The following ELFN1 variants were observed in gnomAD, a reference collection of about 807,000 sequenced individuals.
ELFN1 encodes the protein protein ELFN1.
ELFN1 carries 6 observed loss-of-function variants against 7.6 expected under a neutral mutation model. The observed-to-expected ratio is 0.79, with a 90% CI of 0.43 to 1.56. The LOEUF (loss-of-function observed/expected upper bound fraction) is 1.56. Ranked by LOEUF, ELFN1 falls within the 40% of genes most tolerant of loss-of-function variation. ELFN1 has a pLI of 0.01. For synonymous variants in ELFN1, 657 were observed against 588.1 expected, an observed-to-expected ratio of 1.12 and a Z score of -1.70; for missense variants, 1,169 against 1,232.2, an observed-to-expected ratio of 0.95 and a Z score of 0.77.
chr7:1,703,971 C>T (rs900027588), intron 2 of ELFN1, among the ~76,000 whole-genome samples: 1 of 152,204 alleles, frequency 6.6e-6, no homozygotes, highest in African/African-American at 2.4e-5. Context: ...GTACAAATCC[C>T]GGCTCTTCTG....
chr7:1,719,518 A>C (rs542788060), intron 3 of ELFN1, among the ~76,000 whole-genome samples: 4 of 152,290 alleles, frequency 2.6e-5, no homozygotes, highest in Admixed American at 1.3e-4. Context: ...TGTCTTAGAC[A>C]TGGCCCTGTT....
chr7:1,715,338 G>A (rs1368680382), intron 3 of ELFN1, among the ~76,000 whole-genome samples: 1 of 152,160 alleles, frequency 6.6e-6, no homozygotes, highest in East Asian at 1.9e-4. Context: ...CCCAGCCTGG[G>A]TTCTCCCTGC....
intron 3 of ELFN1, among the ~76,000 whole-genome samples, chr7:1,728,204 G>A (rs1277362886): frequency 6.6e-6 from 1 of 152,128 alleles, no homozygotes; most frequent in African/African-American, 2.4e-5. Flanking sequence ...AGGACCTGTG[G>A]TCTGCACTGT....
rs376930464 is a variant in ELFN1 at position 1,746,435 on chromosome 7, G to T, written c.1839G>T (p.Ala613=). Residue 613 remains alanine (A), a synonymous_variant, in exon 4 of 4, where the codon GCG becomes GCT. Coordinates refer to ENST00000424383, the MANE Select transcript of ELFN1 (RefSeq NM_001128636.4). ...EPLAAKHGFL[A]PGYKDAFGHS... ...TGGCCGCCAAGCACGGCTTCCTGGC[G>T]CCCGGGTACAAGGACGCCTTCGGCC... The T allele has an allele frequency of 4.6e-6, 7 of 1,531,148 alleles. No homozygotes were observed. Among genetic ancestry groups the T allele is most frequent in the Non-Finnish European group, 6.1e-6 (7 of 1,141,954 alleles). 94.8% of individuals were successfully genotyped at this position (1,531,148 alleles called of 1,614,324 possible).
rs542293020 is a variant in ELFN1 at position 1,747,097 on chromosome 7, G to A, written c.*14G>A. The A allele has an allele frequency of 1.8e-5, 27 of 1,459,976 alleles. No homozygotes were observed. The East Asian group carries it at 1.9e-4, about 10-fold the overall frequency. 90.4% of individuals were successfully genotyped at this position (1,459,976 alleles called of 1,614,324 possible). On this transcript the variant is annotated 3_prime_UTR_variant, in exon 4 of 4. Coordinates refer to ENST00000424383, the MANE Select transcript of ELFN1 (RefSeq NM_001128636.4). ...CACAAGTCCTGAGCCCCCCAAGACC[G>A]GCGATGCCCACTGGACCAAAAAGGA...
Position 1,715,746 on chromosome 7 carries a change from G to C in ELFN1, c.-294+6494G>C, listed in dbSNP as rs373690100. On this transcript the variant is annotated intron_variant, in intron 3 of 3. Transcript: ENST00000424383. ...GCAGACAGAAGGCGTGGCTGCAGAT[G>C]CCCAGCCCCCTGCCTCTGGCCTCTC... 3.3e-5 allele frequency among the ~76,000 whole-genome samples: 5 copies of C among 152,278 alleles called. No individual in the cohort carries two copies. In the South Asian group the frequency reaches 8.3e-4, roughly 25 times the overall value.
Position 1,744,314 on chromosome 7 carries a change from G to A in ELFN1, c.-283G>A, listed in dbSNP as rs1017910102. 9.5e-6 allele frequency: 4 copies of A among 422,996 alleles called. No homozygotes were observed. Among genetic ancestry groups the A allele is most frequent in the East Asian group, 7.8e-5 (2 of 25,504 alleles). The allele number at this position is 422,996 out of a possible 1,614,324, so 26.2% of individuals were successfully genotyped here. On this transcript the variant is annotated 5_prime_UTR_variant, in exon 4 of 4. Coordinates refer to ENST00000424383, the MANE Select transcript of ELFN1 (RefSeq NM_001128636.4). ...TCTCTTGTCTTGCAGCAGGAACGTC[G>A]GAGCAGGAGGAGTCAGTGGAGCCAT...
At chr7:1,703,918 TG>T (rs34812386) in intron 2 of ELFN1, among the ~76,000 whole-genome samples, 1 of 152,214 alleles carries the variant, frequency 6.6e-6, no homozygotes, top group South Asian at 2.1e-4. Flanking sequence ...GACTGTGTGC[TG>T]GGGGGTTTGT....
At chr7:1,684,109 C>A (rs1010771661) in intron 1 of ELFN1, among the ~76,000 whole-genome samples, 1 of 152,104 alleles carries the variant, frequency 6.6e-6, no homozygotes, top group Admixed American at 6.5e-5. Context: ...AAGATTACAC[C>A]ACTGTACTCC....
intron 3 of ELFN1, among the ~76,000 whole-genome samples, chr7:1,743,851 C>T (rs1283232658): frequency 2.0e-5 from 3 of 152,196 alleles, no homozygotes; most frequent in African/African-American, 4.8e-5. Context: ...ACATCCCTGG[C>T]CGCAGCCAGC....
Position 1,745,361 on chromosome 7 carries a change from C to T in ELFN1, c.765C>T (p.Tyr255=), listed in dbSNP as rs575919541. The T allele has an allele frequency of 3.9e-5, 60 of 1,539,648 alleles. 1 individual carries two copies. The African/African-American group carries it at 4.5e-4, about 12-fold the overall frequency. Residue 255 remains tyrosine, a synonymous_variant, in exon 4 of 4, where the codon TAC becomes TAT. Coordinates refer to ENST00000424383, the MANE Select transcript of ELFN1 (RefSeq NM_001128636.4). ...AGTCAGTCTGCACCGAGGACTCGTA[C>T]GCGGCTGAGGTGGTCGGGCCCCCAC... ...KLQSVCTEDS[Y]AAEVVGPPRP... is the part of the protein sequence containing the mutation.
In ELFN1 at chr7:1,674,386, C is replaced by T. The variant is rs1778827077; in HGVS notation, c.-549+4032C>T. Among the ~76,000 whole-genome samples the T allele has an allele frequency of 2.0e-5, 3 of 152,196 alleles. No homozygotes were observed. The South Asian group carries it at 6.2e-4, about 32-fold the overall frequency. On this transcript the variant is annotated intron_variant, in intron 1 of 3. Transcript: ENST00000424383. ...CTCGGTTACTCAGCCCCGGTTGCCT[C>T]CCTTCTGCCCAGCAGTTAGTTCCTC...
chr7:1,680,663 C>G (rs1048168909), intron 1 of ELFN1, among the ~76,000 whole-genome samples: 1 of 151,970 alleles, frequency 6.6e-6, no homozygotes, highest in Admixed American at 6.5e-5. Flanking sequence ...AAAACATTTT[C>G]ATGCCCAACT....
At chr7:1,713,839 C>A (rs900871734) in intron 3 of ELFN1, among the ~76,000 whole-genome samples, 5 of 152,218 alleles carry the variant, frequency 3.3e-5, no homozygotes, top group African/African-American at 7.2e-5. Flanking sequence ...CTCGCCAATC[C>A]CCGCACCCTG....
At chr7:1,744,245 CCCCTGACCGCTGTCTTCTCTCTT>C in intron 3 of ELFN1, 36 bp from the exon 4 acceptor site, 2 of 116,196 alleles carry the variant, frequency 1.7e-5, no homozygotes. Context: ...TGCCGGCCGT[CCCCTGACCGCTGTCTTCTCTCTT>C]GTCCCCTGAC....
chr7:1,707,153 G>A (rs1779551370), intron 2 of ELFN1, among the ~76,000 whole-genome samples: 1 of 152,254 alleles, frequency 6.6e-6, no homozygotes, highest in Admixed American at 6.5e-5. Context: ...GTGAGAACAT[G>A]CAGAGCCCGC....
intron 1 of ELFN1, among the ~76,000 whole-genome samples, chr7:1,672,128 G>A (rs1266056544): frequency 2.6e-5 from 4 of 152,128 alleles, no homozygotes; most frequent in African/African-American, 9.7e-5. Flanking sequence ...GGCAGCTCCC[G>A]ACTCCCAGAA....
At chr7:1,715,011 C>T (rs1193621442) in intron 3 of ELFN1, among the ~76,000 whole-genome samples, 2 of 152,162 alleles carry the variant, frequency 1.3e-5, no homozygotes, top group African/African-American at 4.8e-5. Flanking sequence ...GTATCTGCAT[C>T]CCAGGCAGGA....
intron 3 of ELFN1, among the ~76,000 whole-genome samples, chr7:1,716,331 A>G (rs10232613): frequency 0.04 from 6,131 of 152,278 alleles, 435 homozygotes; most frequent in African/African-American, 0.14. Context: ...GGGCTCACAC[A>G]GCATCTGGTG....
Sources: allele counts gnomAD v4.1 joint callset (sites outside exome capture counted in the v4.1 genomes callset), GRCh38; gene constraint gnomAD v4.1.1; transcripts MANE v1.5; gene names NCBI Gene and HGNC (gene_info 2026-07-23, HGNC 2026-07-21).